The following DAB2IP variants were observed in gnomAD, a reference collection of about 807,000 sequenced individuals.
DAB2IP encodes the protein disabled homolog 2-interacting protein.
A neutral mutation model predicts 107.2 loss-of-function variants in DAB2IP; 28 were observed. The observed-to-expected ratio is 0.26, with a 90% CI of 0.19 to 0.36. The LOEUF (loss-of-function observed/expected upper bound fraction) is 0.36, where lower values mean the gene tolerates loss of function less well. Ranked by LOEUF, DAB2IP falls within the 10% of genes least tolerant of loss-of-function variation. The pLI is 1.00. For missense variants in DAB2IP, 1,400 were observed against 1,644.7 expected, an observed-to-expected ratio of 0.85 and a Z score of 2.57; for synonymous variants, 755 against 706.4, an observed-to-expected ratio of 1.07 and a Z score of -1.09.
At chr9:121,638,139 T>C (rs1418914340) in intron 1 of DAB2IP, among the ~76,000 whole-genome samples, 1 of 152,214 alleles carries the variant, frequency 6.6e-6, no homozygotes, top group East Asian at 1.9e-4. Context: ...CCTCCGAATC[T>C]ATGGGTTCTG....
rs79153374 is a variant in DAB2IP at position 121,747,903 on chromosome 9, T to G, written c.363-9110T>G. 5.2e-3 allele frequency among the ~76,000 whole-genome samples: 791 copies of G among 150,998 alleles called. 13 individuals are homozygous for G. The highest frequency in any genetic ancestry group is 0.019 in the African/African-American group (763 of 41,000). On this transcript the variant is annotated intron_variant, in intron 3 of 15. Coordinates refer to ENST00000408936, the Ensembl canonical transcript of DAB2IP. ...AAGAAATAAGATGTGGAAAGGTAAA[T>G]GTGTTCCTGAATGTTTTTTGAAAAC...
intron 1 of DAB2IP, among the ~76,000 whole-genome samples, chr9:121,656,170 G>T (rs867137964): frequency 6.6e-6 from 1 of 152,070 alleles, no homozygotes; most frequent in Non-Finnish European, 1.5e-5. Context: ...CACCACACCC[G>T]GCTAATTTTG....
intron 1 of DAB2IP, among the ~76,000 whole-genome samples, chr9:121,664,477 T>C (rs1185070600): frequency 6.6e-6 from 1 of 152,202 alleles, no homozygotes; most frequent in African/African-American, 2.4e-5. Context: ...ATGGATCAGT[T>C]TGGGGAGAAA....
intron 1 of DAB2IP, among the ~76,000 whole-genome samples, chr9:121,674,107 A>G (rs1833791363): frequency 6.6e-6 from 1 of 152,182 alleles, no homozygotes; most frequent in South Asian, 2.1e-4. Context: ...GGAGGAGGGG[A>G]GAGCGTGGTT....
exon 1 of DAB2IP, chr9:121,567,167 AG>A: frequency 6.2e-7 from 1 of 1,614,062 alleles, no homozygotes; most frequent in Non-Finnish European, 8.5e-7. Context: ...AGGTGGGGCC[AG>A]GGGCTGGGGG....
At chr9:121,646,257 T>C (rs1279194126) in intron 1 of DAB2IP, among the ~76,000 whole-genome samples, 1 of 152,026 alleles carries the variant, frequency 6.6e-6, no homozygotes, top group Non-Finnish European at 1.5e-5. Context: ...GCGGTGGCAG[T>C]GGTGGTCGCC....
intron 1 of DAB2IP, among the ~76,000 whole-genome samples, chr9:121,632,151 C>T (rs574206523): frequency 6.6e-6 from 1 of 152,178 alleles, no homozygotes; most frequent in Non-Finnish European, 1.5e-5. Flanking sequence ...GTGGCCTCTG[C>T]GGGTTACTAG....
chr9:121,771,713 C>G (rs1031493802), intron 11 of DAB2IP, among the ~76,000 whole-genome samples: 1 of 152,056 alleles, frequency 6.6e-6, no homozygotes, highest in Non-Finnish European at 1.5e-5. Flanking sequence ...CACTGCTCTC[C>G]GTCTTTCCTG....
intron 1 of DAB2IP, among the ~76,000 whole-genome samples, chr9:121,600,634 G>T (rs1181257249): frequency 6.6e-6 from 1 of 152,140 alleles, no homozygotes; most frequent in African/African-American, 2.4e-5. Flanking sequence ...TTTAACATTA[G>T]TCCTCCTTAA....
chr9:121,597,921 C>T (rs530773225), intron 1 of DAB2IP, among the ~76,000 whole-genome samples: 1 of 152,340 alleles, frequency 6.6e-6, no homozygotes, highest in East Asian at 1.9e-4. Context: ...ATGACCGTGC[C>T]AGCTTCTGGT....
chr9:121,715,118 G>T (rs1219037594), intron 3 of DAB2IP, among the ~76,000 whole-genome samples: 2 of 152,200 alleles, frequency 1.3e-5, no homozygotes, highest in African/African-American at 4.8e-5. Flanking sequence ...CAGGGAGCTG[G>T]CCTTGGCACT....
At chr9:121,710,049 T>G (rs1373033703) in intron 3 of DAB2IP, among the ~76,000 whole-genome samples, 1 of 151,934 alleles carries the variant, frequency 6.6e-6, no homozygotes. Flanking sequence ...CAAGGAAGCG[T>G]GAGTTGCATG....
chr9:121,617,168 T>C (rs1385055951), intron 1 of DAB2IP, among the ~76,000 whole-genome samples: 1 of 151,788 alleles, frequency 6.6e-6, no homozygotes, highest in African/African-American at 2.4e-5. Context: ...CTACTAAAAG[T>C]ACAAAAATTA....
At chr9:121,644,610 TAAAAA>T (rs959825738) in intron 1 of DAB2IP, among the ~76,000 whole-genome samples, 2 of 144,072 alleles carry the variant, frequency 1.4e-5, no homozygotes, top group African/African-American at 2.6e-5. Context: ...AAATAAAAAA[TAAAAA>T]AAGAGAGAGA....
At chr9:121,683,374 C>T (rs373257182) in intron 2 of DAB2IP, among the ~76,000 whole-genome samples, 32 of 152,180 alleles carry the variant, frequency 2.1e-4, no homozygotes, top group Admixed American at 1.3e-4. Flanking sequence ...TCCTTCCTCC[C>T]TCCCTCCTTC....
chr9:121,746,393 C>T (rs1163527564), intron 3 of DAB2IP, among the ~76,000 whole-genome samples: 1 of 152,204 alleles, frequency 6.6e-6, no homozygotes, highest in African/African-American at 2.4e-5. Context: ...ACCAAAGTCA[C>T]AGAGTTTTGT....
At chr9:121,588,273 G>A (rs758114119) in intron 1 of DAB2IP, among the ~76,000 whole-genome samples, 16 of 151,912 alleles carry the variant, frequency 1.1e-4, no homozygotes, top group African/African-American at 2.2e-4. Flanking sequence ...AAGAAGAGCC[G>A]GCCTCTCCAT....
intron 1 of DAB2IP, among the ~76,000 whole-genome samples, chr9:121,600,880 G>T (rs968537286): frequency 6.6e-6 from 1 of 152,170 alleles, no homozygotes; most frequent in Non-Finnish European, 1.5e-5. Context: ...CTGGCTCGTA[G>T]GACAGCCATC....
At chr9:121,663,946 A>G (rs1194093418) in intron 1 of DAB2IP, among the ~76,000 whole-genome samples, 2 of 152,198 alleles carry the variant, frequency 1.3e-5, no homozygotes, top group Non-Finnish European at 2.9e-5. Context: ...CTGTGTGGTC[A>G]TGGTTTGAAC....
Sources: gnomAD v4.1 joint callset for allele counts (sites outside exome capture counted in the v4.1 genomes callset) on GRCh38, gnomAD v4.1.1 for gene constraint, MANE v1.5 for transcripts, NCBI Gene and HGNC (gene_info 2026-07-23, HGNC 2026-07-21) for gene names.